Variants in KIRREL3 observed in about 807,000 individuals in gnomAD.
KIRREL3 encodes kin of IRRE-like protein 3.
In KIRREL3, 36 loss-of-function variants were observed where a neutral mutation model predicts 89.7. That is an observed-to-expected ratio of 0.40 (90% confidence interval 0.31 to 0.53). KIRREL3 has a LOEUF of 0.53. Ranked by LOEUF, KIRREL3 falls within the 20% of genes least tolerant of loss-of-function variation. KIRREL3 has a pLI of 0.49. For missense variants in KIRREL3, 864 were observed against 1,056.6 expected, an observed-to-expected ratio of 0.82 and a Z score of 2.53; for synonymous variants, 445 against 441.4, an observed-to-expected ratio of 1.01 and a Z score of -0.10.
rs1273312849 is a variant in KIRREL3 at position 126,788,857 on chromosome 11, C to A, written c.55+211598G>T. ...GTAGATTTCAGTTCCCAAATCATGA[C>A]CTCCATGTGTAGAAAATCAGCATTG... On this transcript the variant is annotated intron_variant, in intron 1 of 16. Transcript: ENST00000525144. The surrounding 1 kb of genome is among the most constrained non-coding windows in gnomAD (Gnocchi z 4.1). 1.3e-5 allele frequency among the ~76,000 whole-genome samples: 2 copies of A among 152,156 alleles called. No individual in the cohort carries two copies. Among genetic ancestry groups the A allele is most frequent in the Admixed American group, 6.5e-5 (1 of 15,270 alleles).
chr11:126,847,961 G>A (rs1169577324), intron 1 of KIRREL3, among the ~76,000 whole-genome samples: 1 of 152,168 alleles, frequency 6.6e-6, no homozygotes, highest in African/African-American at 2.4e-5. Flanking sequence ...GACTGAAATG[G>A]TGTGCTTTCT....
chr11:126,462,887 CGTATTTATTG>C lies in KIRREL3; in HGVS notation c.742+260_742+269del, dbSNP rs1389001124. Among the ~76,000 whole-genome samples, 1 of 152,094 alleles carries C rather than the reference CGTATTTATTG, an allele frequency of 6.6e-6. No homozygotes were observed. Among genetic ancestry groups the C allele is most frequent in the Non-Finnish European group, 1.5e-5 (1 of 68,026 alleles). ...TAGGCCAGCAGAGGCAGCAGCTGAC[CGTATTTATTG>C]GTGTGAAAGTCCCACCTTGTACAGG... On this transcript the variant is annotated intron_variant, in intron 6 of 16. Transcript: ENST00000525144. The surrounding 1 kb of genome is among the most constrained non-coding windows in gnomAD (Gnocchi z 4.8).
At position 126,438,647 on chromosome 11, in the gene KIRREL3, A is replaced by G. The variant is rs113984177; in HGVS notation, c.1354-1638T>C. On this transcript the variant is annotated intron_variant, in intron 11 of 16. Coordinates refer to ENST00000525144, the MANE Select transcript of KIRREL3 (RefSeq NM_032531.4). Reference sequence around the variant, plus strand: ...AGAGTGAATGGAATATTTGACAATGAGCATGTGTTACATTTATAATTAAAA... The same window carrying G: ...AGAGTGAATGGAATATTTGACAATGGGCATGTGTTACATTTATAATTAAAA... 3.3e-5 allele frequency among the ~76,000 whole-genome samples: 5 copies of G among 152,354 alleles called. 1 individual carries two copies. Among genetic ancestry groups the G allele is most frequent in the African/African-American group, 1.2e-4 (5 of 41,580 alleles).
At chr11:126,979,973 C>T (rs1041497104) in intron 1 of KIRREL3, among the ~76,000 whole-genome samples, 1 of 151,982 alleles carries the variant, frequency 6.6e-6, no homozygotes, top group Admixed American at 6.6e-5. Context: ...TAGGACTTAC[C>T]ATTGAGTTGG....
Position 126,436,932 on chromosome 11 carries a change from C to T in KIRREL3, c.1431G>A (p.Glu477=), listed in dbSNP as rs750252888. 2 of 1,612,376 alleles carry T rather than the reference C, an allele frequency of 1.2e-6. No individual in the cohort carries two copies. Among genetic ancestry groups the T allele is most frequent in the Admixed American group, 3.3e-5 (2 of 59,932 alleles). ...RYTVETISTE[E]GVISTLTISN... ...TGATGGTCAGGGTGGAGATGACGCC[C>T]TCCTCGGTGCTGATGGTCTCCACCG... The change falls in exon 12 of 17, where the codon GAG becomes GAA. Residue 477 remains glutamate (E), a synonymous_variant. Coordinates refer to ENST00000525144, the MANE Select transcript of KIRREL3 (RefSeq NM_032531.4).
rs1013505659 is a variant in KIRREL3 at position 126,558,442 on chromosome 11, C to T, written c.133+4393G>A. On this transcript the variant is annotated intron_variant, in intron 2 of 16. Coordinates refer to ENST00000525144, the MANE Select transcript of KIRREL3 (RefSeq NM_032531.4). This position sits in a 1 kb window ranked among gnomAD's most constrained non-coding sequence, Gnocchi z 4.0. ...CCAAGCTGAAGTGTTAGAGGCTTTC[C>T]CTCTGCTCATGGTCTCAGCCTCCTC... Among the ~76,000 whole-genome samples, 1 of 152,190 alleles carries T rather than the reference C, an allele frequency of 6.6e-6. No homozygotes were observed. The highest frequency in any genetic ancestry group is 2.1e-4 in the South Asian group (1 of 4,832).
chr11:126,928,643 G>C (rs76846339), intron 1 of KIRREL3, among the ~76,000 whole-genome samples: 1 of 152,330 alleles, frequency 6.6e-6, no homozygotes, highest in African/African-American at 2.4e-5. Context: ...GGAGAGCAAG[G>C]TCTCAGTTAA....
rs1048262003 is a variant in KIRREL3 at position 126,773,466 on chromosome 11, C to T, written c.56-210554G>A. ...AGATTTTGGACTTACCAGTCTCCAT[C>T]GTTGTGTGAGCCAGTCCCTTAAAAT... On this transcript the variant is annotated intron_variant, in intron 1 of 16. Coordinates refer to ENST00000525144, the MANE Select transcript of KIRREL3 (RefSeq NM_032531.4). This position sits in a 1 kb window ranked among gnomAD's most constrained non-coding sequence, Gnocchi z 4.2. Among the ~76,000 whole-genome samples the T allele has an allele frequency of 1.3e-5, 2 of 152,202 alleles. No homozygotes were observed. Among genetic ancestry groups the T allele is most frequent in the Non-Finnish European group, 1.5e-5 (1 of 68,038 alleles).
At position 126,569,629 on chromosome 11, in the gene KIRREL3, G is replaced by A. The variant is rs141130349; in HGVS notation, c.56-6717C>T. 1.5e-3 allele frequency among the ~76,000 whole-genome samples: 231 copies of A among 152,266 alleles called. 1 individual carries two copies. The highest frequency in any genetic ancestry group is 2.1e-3 in the Non-Finnish European group (142 of 68,028). On this transcript the variant is annotated intron_variant, in intron 1 of 16. Transcript: ENST00000525144. This position sits in a 1 kb window ranked among gnomAD's most constrained non-coding sequence, Gnocchi z 6.5. The stretch of plus-strand genomic sequence containing the variant: ...AAAAGTCAGAGACAGGTAATAGTTC[G>A]GTAAAGAAAGTCTTGAGGCAGCACG...
rs1380609864 is a variant in KIRREL3 at position 126,686,511 on chromosome 11, G to A, written c.56-123599C>T. Among the ~76,000 whole-genome samples the A allele has an allele frequency of 2.0e-5, 3 of 151,864 alleles. No homozygotes were observed. The highest frequency in any genetic ancestry group is 2.9e-5 in the Non-Finnish European group (2 of 67,964). ...TCTGATAGGGTCAGTGCTGGCCACT[G>A]AGCGGGGAGGGTGGGGAGGGACTGT... On this transcript the variant is annotated intron_variant, in intron 1 of 16. Transcript: ENST00000525144. This position sits in a 1 kb window ranked among gnomAD's most constrained non-coding sequence, Gnocchi z 4.7.
Position 126,555,160 on chromosome 11 carries a change from C to T in KIRREL3, c.133+7675G>A, listed in dbSNP as rs1413270598. Among the ~76,000 whole-genome samples, 3 of 152,134 alleles carry T rather than the reference C, an allele frequency of 2.0e-5. No homozygotes were observed. The highest frequency in any genetic ancestry group is 2.1e-4 in the South Asian group (1 of 4,830). On this transcript the variant is annotated intron_variant, in intron 2 of 16. Transcript: ENST00000525144. The surrounding 1 kb of genome is among the most constrained non-coding windows in gnomAD (Gnocchi z 4.2). ...AGGAGCTTGGACACTGCTGTGGGGC[C>T]GCACAGAGCCTGCTTCTGCCAGAGA...
At chr11:126,469,026 C>A (rs898053376) in intron 5 of KIRREL3, among the ~76,000 whole-genome samples, 1 of 152,192 alleles carries the variant, frequency 6.6e-6, no homozygotes, top group Non-Finnish European at 1.5e-5. Context: ...ATCCCAACAG[C>A]AGTGCTTGTT....
At chr11:126,560,552 C>G (rs1380713697) in intron 2 of KIRREL3, among the ~76,000 whole-genome samples, 1 of 152,184 alleles carries the variant, frequency 6.6e-6, no homozygotes, top group East Asian at 1.9e-4. Flanking sequence ...CCTTCTCAAG[C>G]TGTTATTTTT....
At position 126,754,194 on chromosome 11, in the gene KIRREL3, G is replaced by A. The variant is rs1949421657; in HGVS notation, c.56-191282C>T. ...CCCCAAGGGAGAGCATATTTCATTT[G>A]CAATGTCTTTTGATAGAGTAGTCCC... On this transcript the variant is annotated intron_variant, in intron 1 of 16. Coordinates refer to ENST00000525144, the MANE Select transcript of KIRREL3 (RefSeq NM_032531.4). This position sits in a 1 kb window ranked among gnomAD's most constrained non-coding sequence, Gnocchi z 5.1. 6.6e-6 allele frequency among the ~76,000 whole-genome samples: 1 copy of A among 152,168 alleles called. No individual in the cohort carries two copies. Among genetic ancestry groups the A allele is most frequent in the Admixed American group, 6.5e-5 (1 of 15,286 alleles).
rs146129879 is a variant in KIRREL3 at position 126,689,596 on chromosome 11, A to G, written c.56-126684T>C. Among the ~76,000 whole-genome samples the G allele has an allele frequency of 6.6e-6, 1 of 152,272 alleles. No homozygotes were observed. The highest frequency in any genetic ancestry group is 2.4e-5 in the African/African-American group (1 of 41,556). On this transcript the variant is annotated intron_variant, in intron 1 of 16. Coordinates refer to ENST00000525144, the MANE Select transcript of KIRREL3 (RefSeq NM_032531.4). The surrounding 1 kb of genome is among the most constrained non-coding windows in gnomAD (Gnocchi z 5.2). ...AAGTGTAGACATGCCTGATTATTCT[A>G]TCCAAACCCAGCCAGGAGATGGGAA...
chr11:126,938,993 A>G (rs1948322002), intron 1 of KIRREL3, among the ~76,000 whole-genome samples: 1 of 152,160 alleles, frequency 6.6e-6, no homozygotes, highest in East Asian at 1.9e-4. Context: ...CTGCCAGGGA[A>G]AAAGCTTCAG....
At chr11:126,714,929 T>C (rs556052000) in intron 1 of KIRREL3, among the ~76,000 whole-genome samples, 10 of 152,280 alleles carry the variant, frequency 6.6e-5, no homozygotes, top group African/African-American at 2.2e-4. Context: ...GGAGTTTTAC[T>C]TACATGAACT....
intron 1 of KIRREL3, among the ~76,000 whole-genome samples, chr11:126,567,713 G>A (rs922969539): frequency 1.8e-4 from 28 of 152,194 alleles, no homozygotes; most frequent in African/African-American, 5.3e-4. Context: ...GGCTGGTTAC[G>A]TGTCTGCATG....
chr11:126,915,478 C>A (rs1394649558), intron 1 of KIRREL3, among the ~76,000 whole-genome samples: 1 of 152,072 alleles, frequency 6.6e-6, no homozygotes, highest in African/African-American at 2.4e-5. Context: ...CCTCATCGGG[C>A]CCAGATCTCA....
Sources: gnomAD v4.1 joint callset for allele counts (sites outside exome capture counted in the v4.1 genomes callset) on GRCh38, gnomAD v4.1.1 for gene constraint, Gnocchi (gnomAD v3.1) non-coding constraint, MANE v1.5 for transcripts, NCBI Gene and HGNC (gene_info 2026-07-23, HGNC 2026-07-21) for gene names.